The following DHTKD1 variants were observed in gnomAD, a reference collection of about 807,000 sequenced individuals.
The protein encoded by DHTKD1 is dehydrogenase E1 and transketolase domain containing 1.
Under a neutral mutation model 101.8 loss-of-function variants are expected in DHTKD1, and 78 were observed. The observed-to-expected ratio is 0.77, with a 90% CI of 0.64 to 0.93. The LOEUF is 0.93. DHTKD1 is among the 40% of genes least tolerant of loss of function. The probability of loss-of-function intolerance (pLI) is 0.00; values close to 1 mark genes in which losing one functional copy is unlikely to be tolerated. For missense variants in DHTKD1, 1,223 were observed against 1,161.7 expected (o/e 1.05, Z -0.77); for synonymous variants, 462 against 450.3 (o/e 1.03, Z -0.33).
At chr10:12,096,724 A>G (rs1427765063) in intron 7 of DHTKD1, among the ~76,000 whole-genome samples, 2 of 152,240 alleles carry the variant, frequency 1.3e-5, no homozygotes, top group African/African-American at 4.8e-5. Context: ...ATATATGTGA[A>G]TAGACTTTAT....
chr10:12,077,499 A>C (rs530434862), intron 1 of DHTKD1, among the ~76,000 whole-genome samples: 4 of 152,308 alleles, frequency 2.6e-5, no homozygotes, highest in Non-Finnish European at 5.9e-5. Flanking sequence ...GGCCTCCCAA[A>C]GTGCTGGGAT....
intron 1 of DHTKD1, among the ~76,000 whole-genome samples, chr10:12,080,940 G>A (rs980678331): frequency 1.2e-4 from 18 of 151,612 alleles, no homozygotes; most frequent in African/African-American, 2.9e-4. Context: ...GGTGGTGCAC[G>A]CCTGTAGTCT....
chr10:12,118,336 A>C (rs1370637616), intron 14 of DHTKD1, among the ~76,000 whole-genome samples: 3 of 151,138 alleles, frequency 2.0e-5, no homozygotes, highest in Admixed American at 6.6e-5. Context: ...CACCTTGTTC[A>C]TGAGGACTTT....
rs77965382 is a variant in DHTKD1, at chr10:12,120,661, A to G, written c.2659-126A>G. Reference sequence around the variant, plus strand: ...CCCTCTAATCTCTTCTGCGTAACTCATTATTTGAAAGAGGTGATTTATGGT... The same window carrying G: ...CCCTCTAATCTCTTCTGCGTAACTCGTTATTTGAAAGAGGTGATTTATGGT... On this transcript the variant is annotated intron_variant, in intron 16 of 16. Transcript: ENST00000263035. 4,212 of 819,904 alleles carry G rather than the reference A, an allele frequency of 5.1e-3. 110 individuals carry two copies. In the African/African-American group the frequency reaches 0.06, roughly 12 times the overall value. 50.8% of individuals were successfully genotyped at this position (819,904 alleles called of 1,614,324 possible).
At chr10:12,075,963 GAAAAT>G (rs1386964681) in intron 1 of DHTKD1, among the ~76,000 whole-genome samples, 2 of 147,110 alleles carry the variant, frequency 1.4e-5, no homozygotes, top group Admixed American at 6.8e-5. Context: ...AAAGGAAAAA[GAAAAT>G]AAAGCAATCT....
chr10:12,111,078 A>G (rs1055394277), intron 12 of DHTKD1, among the ~76,000 whole-genome samples: 5 of 151,588 alleles, frequency 3.3e-5, no homozygotes, highest in Non-Finnish European at 5.9e-5. Flanking sequence ...AGGAACATCA[A>G]CTTAACTCTT....
At chr10:12,072,430 C>G (rs1832664006) in intron 1 of DHTKD1, among the ~76,000 whole-genome samples, 2 of 151,750 alleles carry the variant, frequency 1.3e-5, no homozygotes, top group Admixed American at 1.3e-4. Flanking sequence ...CCACTGCACT[C>G]CAGCCTGGGT....
In DHTKD1 at chr10:12,120,221, C is replaced by T. The variant is rs747439558; in HGVS notation, c.2612C>T (p.Pro871Leu). Residue 871 changes from proline to leucine, a missense_variant, in exon 16 of 17, where the codon CCG (proline) becomes CTG (leucine). By Grantham distance (98) the Pro-to-Leu change is moderately conservative. Coordinates refer to ENST00000263035, the MANE Select transcript of DHTKD1 (RefSeq NM_018706.7). Reference sequence around the variant, plus strand: ...CAGGAGGAACCTCAGAACATGGGTCCGTGGTCGTTTGTTTCTCCAAGGTTT... The same window carrying T: ...CAGGAGGAACCTCAGAACATGGGTCTGTGGTCGTTTGTTTCTCCAAGGTTT... ...WSQEEPQNMG[P>L]WSFVSPRFEK... is the part of the protein sequence containing the mutation. 35 of 1,613,914 alleles carry T rather than the reference C, an allele frequency of 2.2e-5. No individual in the cohort carries two copies. The highest frequency in any genetic ancestry group is 2.2e-5 in the South Asian group (2 of 91,064).
intron 6 of DHTKD1, 22 bp from the exon 7 acceptor site, chr10:12,094,051 G>T: frequency 6.2e-7 from 1 of 1,606,572 alleles, no homozygotes; most frequent in Non-Finnish European, 8.5e-7. Flanking sequence ...GTCCTGTTTC[G>T]GCTTGGTCTT....
In DHTKD1 at chr10:12,121,238, A is replaced by AAAC; in HGVS notation, c.*350_*351insAAC. The AAAC allele has an allele frequency of 8.9e-6, 2 of 223,994 alleles. No individual in the cohort carries two copies. The highest frequency in any genetic ancestry group is 2.3e-5 in the African/African-American group (1 of 43,272). The allele number at this position is 223,994 out of a possible 1,614,324, so 13.9% of individuals were successfully genotyped here. A position where few individuals can be genotyped will look rare whatever the true frequency, so the allele number is the denominator to read the frequency against. Reference sequence around the variant, plus strand: ...GCGTTTCAAAAAAAAAAAAAAAAAAACCCATTAAAAGAGGCCTCCTTCCTC... The same window carrying AAAC: ...GCGTTTCAAAAAAAAAAAAAAAAAAAAACCCCATTAAAAGAGGCCTCCTTCCTC... On this transcript the variant is annotated 3_prime_UTR_variant, in exon 17 of 17. Coordinates refer to ENST00000263035, the MANE Select transcript of DHTKD1 (RefSeq NM_018706.7).
At chr10:12,081,320 C>A in intron 1 of DHTKD1, 152 bp from the exon 2 acceptor site, 1 of 584,698 alleles carries the variant, frequency 1.7e-6, no homozygotes, top group Non-Finnish European at 3.0e-6. Context: ...GCACTCCAGC[C>A]TGGGCAATAG....
intron 9 of DHTKD1, 27 bp downstream of exon 9, chr10:12,100,289 T>TTTTTC (rs1554793017): frequency 1.7e-5 from 14 of 819,370 alleles, no homozygotes; most frequent in African/African-American, 3.9e-5. Flanking sequence ...TTTTTTCTGT[T>TTTTTC]TTTTTTTTTT....
At position 12,107,665 on chromosome 10, in the gene DHTKD1, G is replaced by A. The variant is rs191768791; in HGVS notation, c.2048-244G>A. On this transcript the variant is annotated intron_variant, in intron 11 of 16. Transcript: ENST00000263035. This position sits in a 1 kb window ranked among gnomAD's most constrained non-coding sequence, Gnocchi z 4.1. ...ACACCTGACCTCAAGTGATCTATCC[G>A]CCTCAGCCTCCCAAAGTGCTGGGAT... Among the ~76,000 whole-genome samples, 45 of 150,720 alleles carry A rather than the reference G, an allele frequency of 3.0e-4. No individual in the cohort carries two copies. The highest frequency in any genetic ancestry group is 7.1e-3 in the Middle Eastern group (2 of 280).
At chr10:12,085,724 C>A (rs533539488) in intron 3 of DHTKD1, among the ~76,000 whole-genome samples, 1 of 151,966 alleles carries the variant, frequency 6.6e-6, no homozygotes, top group African/African-American at 2.4e-5. Context: ...ACTAAAAAAA[C>A]AAAATACAAA....
intron 1 of DHTKD1, 102 bp from the exon 2 acceptor site, chr10:12,081,370 G>T (rs1832813551): frequency 1.2e-6 from 1 of 850,980 alleles, no homozygotes; most frequent in Non-Finnish European, 1.9e-6. Flanking sequence ...TAAATAAAAA[G>T]TAAGGTGTCT....
chr10:12,075,483 G>A lies in DHTKD1; in HGVS notation c.155-5989G>A, dbSNP rs189581193. Among the ~76,000 whole-genome samples the A allele has an allele frequency of 1.1e-3, 172 of 152,032 alleles. 1 individual carries two copies. The highest frequency in any genetic ancestry group is 2.1e-3 in the Non-Finnish European group (146 of 67,968). On this transcript the variant is annotated intron_variant, in intron 1 of 16. Transcript: ENST00000263035. ...TCTCGATCTCCTGACCTTGTGATCC[G>A]TCCGCCTCGGTCTACCAAAGTGCTG...
At chr10:12,070,716 CGACCTGAAGT>C (rs1832639139) in intron 1 of DHTKD1, among the ~76,000 whole-genome samples, 1 of 152,056 alleles carries the variant, frequency 6.6e-6, no homozygotes, top group African/African-American at 2.4e-5. Context: ...CTTGAACTCC[CGACCTGAAGT>C]GATCCACTGG....
At position 12,120,241 on chromosome 10, in the gene DHTKD1, AG is replaced by A. The variant is rs1833503553; in HGVS notation, c.2634del (p.Arg878SerfsTer23). 6.2e-7 allele frequency: 1 copy of A among 1,614,008 alleles called. No homozygotes were observed. Among genetic ancestry groups the A allele is most frequent in the Admixed American group, 1.7e-5 (1 of 60,008 alleles). ...GGGTCCGTGGTCGTTTGTTTCTCCAAGGTTTGAAAAGCAGCTGGCCTGCAAG... is the reference window on the plus strand; with the variant it reads ...GGGTCCGTGGTCGTTTGTTTCTCCAAGTTTGAAAAGCAGCTGGCCTGCAAG... ...NMGPWSFVSP[R>X]FEKQLACKLR... On this transcript the variant is annotated frameshift_variant, in exon 16 of 17. Transcript: ENST00000263035. LOFTEE classifies it high-confidence loss of function.
intron 1 of DHTKD1, 106 bp from the exon 2 acceptor site, chr10:12,081,366 A>G: frequency 1.1e-6 from 1 of 879,126 alleles, no homozygotes; most frequent in East Asian, 2.4e-5. Context: ...TAAATAAATA[A>G]AAAGTAAGGT....
Sources: allele counts gnomAD v4.1 joint callset (sites outside exome capture counted in the v4.1 genomes callset), GRCh38; gene constraint gnomAD v4.1.1; non-coding constraint Gnocchi (gnomAD v3.1); transcripts MANE v1.5; gene names NCBI Gene and HGNC (gene_info 2026-07-23, HGNC 2026-07-21).